Variants in MIDN observed in about 807,000 individuals in gnomAD.
MIDN encodes midbrain nucleolar protein.
Under a neutral mutation model 46.1 loss-of-function variants are expected in MIDN, and 26 were observed. The observed-to-expected ratio is 0.56, with a 90% confidence interval of 0.41 to 0.78. The LOEUF is 0.78. Ranked by LOEUF, MIDN falls within the 30% of genes least tolerant of loss-of-function variation. The pLI, the probability that MIDN is intolerant of heterozygous loss-of-function variation, is 0.00. For synonymous variants in MIDN, 432 were observed against 343.3 expected, an observed-to-expected ratio of 1.26 and a Z score of -2.86; for missense variants, 850 against 771.8, an observed-to-expected ratio of 1.10 and a Z score of -1.20.
intron 3 of MIDN, 85 bp from the exon 4 acceptor site, chr19:1,251,754 C>A: frequency 6.5e-7 from 1 of 1,533,732 alleles, no homozygotes; most frequent in Non-Finnish European, 9.0e-7. Flanking sequence ...CCCCACCCCG[C>A]CAGCCAGCAG....
intron 8 of MIDN, 66 bp from the exon 9 acceptor site, chr19:1,256,929 T>G (rs909730771): frequency 1.9e-6 from 3 of 1,592,286 alleles, no homozygotes; most frequent in African/African-American, 2.7e-5. Flanking sequence ...TGCTGGGGTC[T>G]GGGGTGGTCC....
intron 8 of MIDN, 101 bp from the exon 9 acceptor site, chr19:1,256,894 G>T: frequency 6.5e-7 from 1 of 1,538,384 alleles, no homozygotes; most frequent in Admixed American, 2.0e-5. Context: ...GGGAGGGCAG[G>T]ACTGTGTCTG....
chr19:1,255,199 C>G, intron 7 of MIDN, 138 bp downstream of exon 7: 1 of 1,196,066 alleles, frequency 8.4e-7, no homozygotes, highest in Non-Finnish European at 1.2e-6. Context: ...ACATGTCCCC[C>G]AGGAATCCCC....
rs375683589 is a variant in MIDN at position 1,251,580 on chromosome 19, G to A, written c.252G>A (p.Lys84=). Reference sequence around the variant, plus strand: ...CCCCCAGCCGGCTCAGTTCGGGGAAGCTGCAGGAGTTCGGCGTGGGTGATG... The same window carrying A: ...CCCCCAGCCGGCTCAGTTCGGGGAAACTGCAGGAGTTCGGCGTGGGTGATG... ...LHKDTRLSSG[K]LQEFGVGDGS... The change falls in exon 3 of 9, where the codon AAG becomes AAA. Residue 84 remains lysine, a synonymous_variant. Coordinates refer to ENST00000682408, the MANE Select transcript of MIDN (RefSeq NM_001388306.1). The A allele has an allele frequency of 6.2e-7, 1 of 1,606,658 alleles. No homozygotes were observed. Among genetic ancestry groups the A allele is most frequent in the East Asian group, 2.2e-5 (1 of 44,794 alleles).
intron 6 of MIDN, among the ~76,000 whole-genome samples, chr19:1,254,679 C>T (rs2081176010): frequency 6.6e-6 from 1 of 152,048 alleles, no homozygotes; most frequent in South Asian, 2.1e-4. Context: ...CGGTCATCGC[C>T]TGACATGACC....
rs1199456020 is a variant in MIDN, at chr19:1,257,415, TTTA to T, written c.*149_*151del. ...GAAGTCTTTTTTTCTTTTCTTCTTT[TTTA>T]TTATTTTTTTCTTTTTTTAAAAAGT... is the stretch of plus-strand genomic sequence containing the variant. On this transcript the variant is annotated 3_prime_UTR_variant, in exon 9 of 9. Coordinates refer to ENST00000682408, the MANE Select transcript of MIDN (RefSeq NM_001388306.1). 3 of 645,698 alleles carry T rather than the reference TTTA, an allele frequency of 4.6e-6. No homozygotes were observed. Among genetic ancestry groups the T allele is most frequent in the Non-Finnish European group, 8.0e-6 (3 of 374,922 alleles). The allele number at this position is 645,698 out of a possible 1,614,324, so 40.0% of individuals were successfully genotyped here. A position where few individuals can be genotyped will look rare whatever the true frequency, so the allele number is the denominator to read the frequency against.
intron 8 of MIDN, 44 bp from the exon 9 acceptor site, chr19:1,256,951 C>T (rs757796659): frequency 5.0e-6 from 8 of 1,599,762 alleles, no homozygotes; most frequent in African/African-American, 1.3e-5. Context: ...CTGTGTTCAG[C>T]AGGTGGAGGC....
Position 1,254,263 on chromosome 19 carries a change from G to A in MIDN, c.610G>A (p.Ala204Thr), listed in dbSNP as rs1030971122. ...FVQLQLAAQH[A>T]PLQHRHVLAA... ...GCAGCTGCAGCTCGCGGCCCAGCAC[G>A]CTCCACTGCAACACCGCCATGTGCT... Residue 204 changes from alanine (A) to threonine (T), a missense_variant, in exon 6 of 9, where the codon GCT (alanine) becomes ACT (threonine). Transcript: ENST00000682408. 25 of 1,586,834 alleles carry A rather than the reference G, an allele frequency of 1.6e-5. No individual in the cohort carries two copies. The highest frequency in any genetic ancestry group is 3.3e-4 in the Middle Eastern group (2 of 5,992).
Position 1,250,403 on chromosome 19 carries a change from A to T in MIDN, c.107A>T (p.His36Leu). The change falls in exon 2 of 9, where the codon CAC (histidine) becomes CTC (leucine). Residue 36 changes from histidine to leucine, a missense_variant. His to Leu is a moderately conservative substitution (Grantham distance 99, BLOSUM62 -3). Transcript: ENST00000682408. ...AEAAPMSLAI[H>L]STTGTRYDLA... The stretch of plus-strand genomic sequence containing the variant: ...GCGGCGCCCATGAGCCTCGCCATCC[A>T]CAGCACCACGGGCACCCGCTACGAC... 7.6e-7 allele frequency: 1 copy of T among 1,322,172 alleles called. No individual in the cohort carries two copies. The highest frequency in any genetic ancestry group is 9.8e-7 in the Non-Finnish European group (1 of 1,015,702). 81.9% of individuals were successfully genotyped at this position (1,322,172 alleles called of 1,614,324 possible). A position where few individuals can be genotyped will look rare whatever the true frequency, so the allele number is the denominator to read the frequency against.
At position 1,254,312 on chromosome 19, in the gene MIDN, C is replaced by G; in HGVS notation, c.659C>G (p.Ala220Gly). The change falls in exon 6 of 9, where the codon GCT (alanine) becomes GGT (glycine). Residue 220 changes from alanine to glycine, a missense_variant. Transcript: ENST00000682408. ...HVLAAAAAAA[A>G]ARGDPSIASP... Reference sequence around the variant, plus strand: ...CTGGCCGCTGCGGCCGCCGCCGCTGCTGCGCGGGGGGACCCCAGCATAGCC... The same window carrying G: ...CTGGCCGCTGCGGCCGCCGCCGCTGGTGCGCGGGGGGACCCCAGCATAGCC... The G allele has an allele frequency of 6.4e-7, 1 of 1,569,662 alleles. No homozygotes were observed. Among genetic ancestry groups the G allele is most frequent in the South Asian group, 1.1e-5 (1 of 87,948 alleles).
chr19:1,256,014 C>T (rs528998427), intron 8 of MIDN, among the ~76,000 whole-genome samples: 1 of 152,372 alleles, frequency 6.6e-6, no homozygotes, highest in African/African-American at 2.4e-5. Context: ...GGGGCCAGAG[C>T]CCACCCCTAA....
chr19:1,257,328 T>C lies in MIDN; in HGVS notation c.*56T>C. 2 of 1,501,508 alleles carry C rather than the reference T, an allele frequency of 1.3e-6. No homozygotes were observed. The highest frequency in any genetic ancestry group is 1.8e-6 in the Non-Finnish European group (2 of 1,086,942). The allele number at this position is 1,501,508 out of a possible 1,614,324, so 93.0% of individuals were successfully genotyped here. A position where few individuals can be genotyped will look rare whatever the true frequency, so the allele number is the denominator to read the frequency against. ...CACCCCAGCCCAGGGCGGCGGGGAC[T>C]CCGAGAGCCCCGGAGAGAACGTGGC... On this transcript the variant is annotated 3_prime_UTR_variant, in exon 9 of 9. Transcript: ENST00000682408.
At chr19:1,254,601 C>T (rs963036986) in intron 6 of MIDN, 123 bp downstream of exon 6, 36 of 1,078,566 alleles carry the variant, frequency 3.3e-5, no homozygotes, top group African/African-American at 3.3e-4. Flanking sequence ...AAGGGCTATC[C>T]TGTGACCTCG....
chr19:1,254,471 G>A lies in MIDN; in HGVS notation c.818G>A (p.Cys273Tyr). The A allele has an allele frequency of 3.2e-6, 5 of 1,554,318 alleles. No individual in the cohort carries two copies. The Admixed American group carries it at 5.5e-5, about 17-fold the overall frequency. The change falls in exon 6 of 9, where the codon TGC (cysteine) becomes TAC (tyrosine). Residue 273 changes from cysteine (C) to tyrosine (Y), a missense_variant. Physicochemically the swap from Cys to Tyr is radical, Grantham distance 194. Transcript: ENST00000682408. ...CGGTCCCACGCAGCCTCCACCACCT[G>A]CCCGGAGGTGAGCCTGGGGAAGGGA... ...SFRSHAASTTCPEQMDCSPTA... is the reference protein window; with the variant it reads ...SFRSHAASTTYPEQMDCSPTA...
chr19:1,255,207 C>G (rs1327821090), intron 7 of MIDN, 146 bp downstream of exon 7: 3 of 1,177,564 alleles, frequency 2.5e-6, no homozygotes, highest in Non-Finnish European at 3.5e-6. Flanking sequence ...CCCAGGAATC[C>G]CCCACACACA....
At chr19:1,251,696 G>A (rs766438821) in intron 3 of MIDN, 47 bp downstream of exon 3, 46 of 1,568,460 alleles carry the variant, frequency 2.9e-5, no homozygotes, top group Admixed American at 7.2e-5. Context: ...CCGCACACAG[G>A]CAGTAGCCCC....
intron 6 of MIDN, 97 bp downstream of exon 6, chr19:1,254,575 G>GT: frequency 7.6e-7 from 1 of 1,314,666 alleles, no homozygotes; most frequent in South Asian, 1.3e-5. Context: ...TTAGTCCCAG[G>GT]TGAGTCCCTT....
At chr19:1,255,392 C>T in intron 7 of MIDN, 30 bp from the exon 8 acceptor site, 3 of 1,553,200 alleles carry the variant, frequency 1.9e-6, no homozygotes, top group Admixed American at 3.8e-5. Flanking sequence ...TGTGCCCGTG[C>T]CGGGCACTCA....
intron 4 of MIDN, among the ~76,000 whole-genome samples, chr19:1,253,111 C>G (rs1326802362): frequency 1.3e-5 from 2 of 151,876 alleles, no homozygotes; most frequent in African/African-American, 2.4e-5. Flanking sequence ...CCGAGTCATG[C>G]CCGCCCATTA....
Sources: allele counts gnomAD v4.1 joint callset (sites outside exome capture counted in the v4.1 genomes callset), GRCh38; gene constraint gnomAD v4.1.1; transcripts MANE v1.5; gene names NCBI Gene and HGNC (gene_info 2026-07-23, HGNC 2026-07-21).